The following DPP6 variants were observed in gnomAD, a reference collection of about 807,000 sequenced individuals.
DPP6 encodes the protein dipeptidyl peptidase like 6, also known as A-type potassium channel modulatory protein DPP6.
A neutral mutation model predicts 122.6 loss-of-function variants in DPP6; 69 were observed. The observed-to-expected ratio is 0.56, with a 90% CI of 0.46 to 0.69. The LOEUF (loss-of-function observed/expected upper bound fraction) is 0.69, where lower values mean the gene tolerates loss of function less well. DPP6 is among the 30% of genes least tolerant of loss of function. DPP6 has a pLI of 0.00. For synonymous variants in DPP6, 418 were observed against 433.1 expected (o/e 0.97, Z 0.43); for missense variants, 928 against 1,116.9 (o/e 0.83, Z 2.41).
intron 1 of DPP6, among the ~76,000 whole-genome samples, chr7:154,416,360 T>TC (rs1817015872): frequency 6.6e-6 from 1 of 152,038 alleles, no homozygotes. Context: ...CCTGTGTCAT[T>TC]CCCCAGACTT....
At position 154,309,515 on chromosome 7, in the gene DPP6, G is replaced by A. The variant is rs564543215; in HGVS notation, c.244-136699G>A. ...TCTGGGAGAGGTTAGGTGGCCTCCC[G>A]GAAGGGCACATAGGTAATGGCCCAG... On this transcript the variant is annotated intron_variant, in intron 1 of 25. Coordinates refer to ENST00000377770, the MANE Select transcript of DPP6 (RefSeq NM_130797.4). Among the ~76,000 whole-genome samples the A allele has an allele frequency of 1.2e-4, 18 of 152,250 alleles. No homozygotes were observed. In the East Asian group the frequency reaches 1.4e-3, roughly 11 times the overall value.
chr7:154,672,807 T>C lies in DPP6; in HGVS notation c.762+3366T>C, dbSNP rs1459074434. ...CCGCCTTCTTCTGCAGAAGGTCAGA[T>C]AGCACATGTTTCAGTCTTTGCAAAC... On this transcript the variant is annotated intron_variant, in intron 7 of 25. Coordinates refer to ENST00000377770, the MANE Select transcript of DPP6 (RefSeq NM_130797.4). 3.3e-5 allele frequency among the ~76,000 whole-genome samples: 5 copies of C among 152,204 alleles called. No homozygotes were observed. The South Asian group carries it at 6.2e-4, about 19-fold the overall frequency.
chr7:154,211,734 C>A (rs1033972728), intron 1 of DPP6, among the ~76,000 whole-genome samples: 2 of 152,162 alleles, frequency 1.3e-5, no homozygotes, highest in African/African-American at 4.8e-5. Flanking sequence ...GGCCCTCGTG[C>A]AACTGCAGTC....
chr7:154,570,217 C>T (rs1255112898), intron 5 of DPP6, among the ~76,000 whole-genome samples: 1 of 151,822 alleles, frequency 6.6e-6, no homozygotes, highest in East Asian at 1.9e-4. Flanking sequence ...GGAGTTTAGA[C>T]ACAAATAGTA....
At chr7:154,216,037 C>T (rs1799976618) in intron 1 of DPP6, among the ~76,000 whole-genome samples, 1 of 152,078 alleles carries the variant, frequency 6.6e-6, no homozygotes, top group Non-Finnish European at 1.5e-5. Flanking sequence ...TTTTTCCCTT[C>T]CTCTGCCAGG....
chr7:153,813,126 G>A, the DPP6 span, among the ~76,000 whole-genome samples: 165 of 151,732 alleles, frequency 1.1e-3, 1 homozygote, highest in East Asian at 5.8e-3. Flanking sequence ...CCATTAACTC[G>A]TCATTTAGCA....
chr7:154,753,674 A>G (rs955059197), intron 8 of DPP6, among the ~76,000 whole-genome samples: 7 of 152,174 alleles, frequency 4.6e-5, no homozygotes, highest in African/African-American at 1.4e-4. Context: ...GCTTCAGGCT[A>G]GTTCCGTAAC....
intron 4 of DPP6, among the ~76,000 whole-genome samples, chr7:154,552,011 A>G (rs1354307345): frequency 2.6e-5 from 4 of 152,128 alleles, no homozygotes. Flanking sequence ...GCTTTTTCCA[A>G]TTGTGTGCCC....
At chr7:154,467,975 A>G (rs1353589812) in intron 2 of DPP6, among the ~76,000 whole-genome samples, 1 of 152,220 alleles carries the variant, frequency 6.6e-6, no homozygotes, top group East Asian at 1.9e-4. Flanking sequence ...GGATGGCAGT[A>G]TCTTTCTCGA....
intron 6 of DPP6, among the ~76,000 whole-genome samples, chr7:154,644,623 C>T (rs1195506848): frequency 6.6e-6 from 1 of 151,868 alleles, no homozygotes; most frequent in Non-Finnish European, 1.5e-5. Flanking sequence ...TCACAGCTGC[C>T]GGAAGTTACA....
At chr7:153,899,858 T>G (rs1291167375) in intron 1 of DPP6, among the ~76,000 whole-genome samples, 2 of 152,228 alleles carry the variant, frequency 1.3e-5, no homozygotes, top group East Asian at 3.8e-4. Flanking sequence ...TTTGCTTCTT[T>G]CTCATTAAGA....
intron 5 of DPP6, among the ~76,000 whole-genome samples, chr7:154,608,319 T>TTATATATATATATATA (rs1563922092): frequency 2.5e-5 from 2 of 81,298 alleles, no homozygotes; most frequent in Admixed American, 1.5e-4. Context: ...TTAGGAGTGA[T>TTATATATATATATATA]CATATATATA....
chr7:154,485,310 G>T (rs1823690224), intron 3 of DPP6, among the ~76,000 whole-genome samples: 1 of 152,172 alleles, frequency 6.6e-6, no homozygotes, highest in African/African-American at 2.4e-5. Context: ...AAGTCCTTAA[G>T]AAATAAACAA....
intron 8 of DPP6, among the ~76,000 whole-genome samples, chr7:154,766,078 A>G (rs1388168624): frequency 6.6e-6 from 1 of 152,238 alleles, no homozygotes; most frequent in African/African-American, 2.4e-5. Context: ...TTAATGAGCA[A>G]CTAACGTACA....
chr7:154,135,541 A>C (rs1233901580), intron 1 of DPP6, among the ~76,000 whole-genome samples: 1 of 151,514 alleles, frequency 6.6e-6, no homozygotes, highest in Non-Finnish European at 1.5e-5. Context: ...TCCTGTGAGC[A>C]TACACTTTCT....
chr7:154,107,038 A>G lies in DPP6; in HGVS notation c.243+53975A>G, dbSNP rs556992762. ...ATAGTGTGGAGGTTCCTTAAAAAAA[A>G]AATCCAAAATAGAATTACTGGATGA... On this transcript the variant is annotated intron_variant, in intron 1 of 25. Coordinates refer to ENST00000377770, the MANE Select transcript of DPP6 (RefSeq NM_130797.4). Among the ~76,000 whole-genome samples the G allele has an allele frequency of 9.2e-5, 14 of 152,324 alleles. No individual in the cohort carries two copies. In the East Asian group the frequency reaches 2.3e-3, roughly 25 times the overall value.
At chr7:154,063,737 G>A (rs1199702089) in intron 1 of DPP6, among the ~76,000 whole-genome samples, 43 of 151,376 alleles carry the variant, frequency 2.8e-4, no homozygotes, top group Non-Finnish European at 2.9e-5. Flanking sequence ...TTCCCCCCCG[G>A]CTTAGGACCC....
intron 3 of DPP6, among the ~76,000 whole-genome samples, chr7:154,504,424 A>G (rs1825508092): frequency 6.6e-6 from 1 of 152,216 alleles, no homozygotes; most frequent in Non-Finnish European, 1.5e-5. Flanking sequence ...ATTTATAATA[A>G]CATTAGCGAT....
intron 3 of DPP6, among the ~76,000 whole-genome samples, chr7:154,519,741 G>A (rs964524630): frequency 6.6e-6 from 1 of 152,176 alleles, no homozygotes; most frequent in African/African-American, 2.4e-5. Flanking sequence ...GACAAGAGTT[G>A]TGTATAGACA....
Sources: allele counts gnomAD v4.1 joint callset (sites outside exome capture counted in the v4.1 genomes callset), GRCh38; gene constraint gnomAD v4.1.1; transcripts MANE v1.5; gene names NCBI Gene and HGNC (gene_info 2026-07-23, HGNC 2026-07-21).